The following BANK1 variants were observed in gnomAD, a reference collection of about 807,000 sequenced individuals.
BANK1 encodes B-cell scaffold protein with ankyrin repeats.
In BANK1, 95 loss-of-function variants were observed where a neutral mutation model predicts 94.5. The observed-to-expected ratio is 1.00, with a 90% CI of 0.85 to 1.19. BANK1 has a LOEUF of 1.19. Ranked by LOEUF, BANK1 falls within the 50% of genes most tolerant of loss-of-function variation. The pLI, the probability that BANK1 is intolerant of heterozygous loss-of-function variation, is 0.00. For missense variants in BANK1, 987 were observed against 932.2 expected (o/e 1.06, Z -0.77); for synonymous variants, 334 against 308.4 (o/e 1.08, Z -0.87).
chr4:101,918,335 C>G (rs937130811), intron 7 of BANK1, 146 bp downstream of exon 7: 2 of 449,134 alleles, frequency 4.5e-6, no homozygotes, highest in African/African-American at 4.0e-5. Context: ...TATCAATAAT[C>G]GTTAGGTTGC....
intron 13 of BANK1, among the ~76,000 whole-genome samples, chr4:102,063,764 A>G (rs890300368): frequency 3.3e-5 from 5 of 151,276 alleles, no homozygotes; most frequent in Admixed American, 1.3e-4. Context: ...GATTGCAGTG[A>G]GCCAAGATCA....
At chr4:101,862,773 G>T in intron 4 of BANK1, 109 bp downstream of exon 4, 1 of 1,139,026 alleles carries the variant, frequency 8.8e-7, no homozygotes, top group Non-Finnish European at 1.2e-6. Flanking sequence ...TGTTCTGCAG[G>T]TGTTTCCTGT....
At chr4:101,986,825 ATATATATGTATATATATGTG>A (rs1560668101) in intron 7 of BANK1, among the ~76,000 whole-genome samples, 2 of 118,900 alleles carry the variant, frequency 1.7e-5, no homozygotes, top group South Asian at 2.9e-4. Context: ...ATATATGTGT[ATATATATGTATATATATGTG>A]TATATATATG....
chr4:102,029,308 G>A (rs1186565471), intron 9 of BANK1, among the ~76,000 whole-genome samples: 2 of 151,822 alleles, frequency 1.3e-5, no homozygotes, highest in East Asian at 3.9e-4. Context: ...TGGTGCCTTT[G>A]GCTATTTCTC....
At chr4:101,939,979 G>T (rs1723688639) in intron 7 of BANK1, among the ~76,000 whole-genome samples, 1 of 151,676 alleles carries the variant, frequency 6.6e-6, no homozygotes, top group African/African-American at 2.4e-5. Flanking sequence ...ACTTGAGCAA[G>T]AGCAAATTCA....
At chr4:101,862,802 C>A (rs896981565) in intron 4 of BANK1, 138 bp downstream of exon 4, 3 of 890,548 alleles carry the variant, frequency 3.4e-6, no homozygotes, top group African/African-American at 3.5e-5. Context: ...TTCACATACC[C>A]AAGGTTGTTA....
At chr4:101,969,341 C>A (rs1724870933) in intron 7 of BANK1, among the ~76,000 whole-genome samples, 4 of 152,018 alleles carry the variant, frequency 2.6e-5, no homozygotes, top group Admixed American at 2.6e-4. Flanking sequence ...GAAATTGTGT[C>A]TCTGGCTAAT....
intron 13 of BANK1, 142 bp from the exon 14 acceptor site, chr4:102,071,133 G>T: frequency 4.3e-6 from 4 of 921,744 alleles, no homozygotes; most frequent in Non-Finnish European, 6.8e-6. Flanking sequence ...GAAATTTGGG[G>T]TTGATATTTT....
intron 7 of BANK1, among the ~76,000 whole-genome samples, chr4:101,986,855 GTATATATA>G (rs769659546): frequency 7.2e-4 from 57 of 79,608 alleles, no homozygotes; most frequent in African/African-American, 3.1e-3. Context: ...GTATATATAT[GTATATATA>G]TATGTGTGTA....
At chr4:101,944,921 A>G (rs563551707) in intron 7 of BANK1, among the ~76,000 whole-genome samples, 1 of 152,100 alleles carries the variant, frequency 6.6e-6, no homozygotes, top group East Asian at 1.9e-4. Flanking sequence ...GCATGACCAA[A>G]CAGAAGCAAG....
intron 12 of BANK1, 37 bp downstream of exon 12, chr4:102,060,426 A>G: frequency 6.4e-7 from 1 of 1,564,186 alleles, no homozygotes. Context: ...ACATTCCCTC[A>G]CTTGTGGAGC....
At chr4:101,838,905 GTA>G (rs1022000645) in intron 2 of BANK1, among the ~76,000 whole-genome samples, 11 of 152,156 alleles carry the variant, frequency 7.2e-5, no homozygotes, top group Admixed American at 6.5e-4. Context: ...GGAAGTTAAG[GTA>G]TAGGATCATG....
At chr4:101,938,236 A>G (rs1374812947) in intron 7 of BANK1, among the ~76,000 whole-genome samples, 1 of 151,644 alleles carries the variant, frequency 6.6e-6, no homozygotes, top group African/African-American at 2.4e-5. Flanking sequence ...TTAAAATATA[A>G]TAATAATAAT....
intron 14 of BANK1, among the ~76,000 whole-genome samples, chr4:102,071,709 G>A (rs1213934275): frequency 1.3e-5 from 2 of 152,224 alleles, no homozygotes; most frequent in Non-Finnish European, 2.9e-5. Flanking sequence ...ATACTTGGGA[G>A]TTACTGATAA....
Position 101,914,503 on chromosome 4 carries a change from A to G in BANK1, c.1010-3490A>G, listed in dbSNP as rs116236361. Among the ~76,000 whole-genome samples, 1,247 of 152,272 alleles carry G rather than the reference A, an allele frequency of 8.2e-3. 11 individuals carry two copies. Among genetic ancestry groups the G allele is most frequent in the Admixed American group, 0.013 (203 of 15,276 alleles). On this transcript the variant is annotated intron_variant, in intron 6 of 16. Coordinates refer to ENST00000322953, the MANE Select transcript of BANK1 (RefSeq NM_017935.5). ...TTAAAAGGGGCCTCTAGATTGCTTT[A>G]AAATGCACTTGATTCTCATTATTTG...
intron 2 of BANK1, among the ~76,000 whole-genome samples, chr4:101,831,875 G>T (rs1012819525): frequency 3.9e-5 from 6 of 152,172 alleles, no homozygotes; most frequent in African/African-American, 1.4e-4. Context: ...GGTTTAGCTG[G>T]GAGGTTCTGG....
intron 16 of BANK1, 105 bp downstream of exon 16, chr4:102,073,853 G>A (rs957788550): frequency 6.0e-6 from 5 of 826,954 alleles, no homozygotes; most frequent in Non-Finnish European, 9.5e-6. Context: ...AGATTTCATT[G>A]TCTTCTCCTG....
chr4:101,909,541 C>G (rs1261534262), intron 6 of BANK1, among the ~76,000 whole-genome samples: 2 of 151,818 alleles, frequency 1.3e-5, no homozygotes, highest in Non-Finnish European at 2.9e-5. Context: ...TAAAGTATAA[C>G]ACACACACAC....
chr4:102,039,777 T>C (rs1727645990), intron 10 of BANK1, among the ~76,000 whole-genome samples: 1 of 152,056 alleles, frequency 6.6e-6, no homozygotes, highest in African/African-American at 2.4e-5. Context: ...GAAAGGTGTT[T>C]TGGTGAAAAA....
Sources: allele counts gnomAD v4.1 joint callset (sites outside exome capture counted in the v4.1 genomes callset), GRCh38; gene constraint gnomAD v4.1.1; transcripts MANE v1.5; gene names NCBI Gene and HGNC (gene_info 2026-07-23, HGNC 2026-07-21).